The following PLA2G7 variants were observed in gnomAD, a reference collection of about 807,000 sequenced individuals.
PLA2G7 encodes phospholipase A2 group VII.
Under a neutral mutation model 49.6 loss-of-function variants are expected in PLA2G7, and 63 were observed. The observed-to-expected ratio is 1.27, with a 90% confidence interval of 1.04 to 1.57. The LOEUF (loss-of-function observed/expected upper bound fraction) is 1.57, where lower values mean the gene tolerates loss of function less well. Ranked by LOEUF, PLA2G7 falls within the 40% of genes most tolerant of loss-of-function variation. The pLI is 0.00. For missense variants in PLA2G7, 596 were observed against 521.2 expected (o/e 1.14, Z -1.40); for synonymous variants, 193 against 169.9 (o/e 1.14, Z -1.06).
chr6:46,716,189 A>G (rs1301026373), intron 4 of PLA2G7, among the ~76,000 whole-genome samples, 195 bp downstream of exon 4: 1 of 152,184 alleles, frequency 6.6e-6, no homozygotes, highest in African/African-American at 2.4e-5. Flanking sequence ...CTCCCATCCA[A>G]CTCAGAATGG....
intron 8 of PLA2G7, 42 bp from the exon 9 acceptor site, chr6:46,709,460 G>T: frequency 9.3e-7 from 1 of 1,079,158 alleles, no homozygotes; most frequent in Non-Finnish European, 1.4e-6. Flanking sequence ...CTATTTCGTG[G>T]TGTTAGAAGA....
rs201567357 is a variant in PLA2G7, at chr6:46,711,506, C to T, written c.653G>A (p.Arg218Gln). ...TLKQEEETHI[R>Q]NEQVRQRAKE... ...TTCACTGCAATGTACCTGCTCATTT[C>T]GTATATGTGTCTCCTCCTCTTGTTT... Residue 218 changes from arginine (R) to glutamine (Q), a missense_variant, in exon 7 of 12, where the codon CGA becomes CAA. By Grantham distance (43) the Arg-to-Gln change is conservative. Coordinates refer to ENST00000274793, the MANE Select transcript of PLA2G7 (RefSeq NM_005084.4). 1.8e-5 allele frequency: 29 copies of T among 1,613,650 alleles called. No individual in the cohort carries two copies. Among genetic ancestry groups the T allele is most frequent in the Non-Finnish European group, 2.3e-5 (27 of 1,179,620 alleles).
intron 6 of PLA2G7, 61 bp downstream of exon 6, chr6:46,712,208 G>GT: frequency 9.8e-7 from 1 of 1,023,830 alleles, no homozygotes; most frequent in South Asian, 1.3e-5. Flanking sequence ...TAGAAACATA[G>GT]TTATGAGCAT....
chr6:46,725,896 G>C (rs1406852624), intron 1 of PLA2G7, among the ~76,000 whole-genome samples: 1 of 152,180 alleles, frequency 6.6e-6, no homozygotes, highest in African/African-American at 2.4e-5. Context: ...GTAAAAGGCA[G>C]ATTATTTATT....
Position 46,704,470 on chromosome 6 carries a change from TCTCTCTCTCACA to T in PLA2G7, c.*78_*89del, listed in dbSNP as rs201623547. ...CTCTCTCTCTCTCTCTCTCTCTCTCTCTCTCTCTCACACACACACACACACACACACACACAC... is the reference window on the plus strand; with the variant it reads ...CTCTCTCTCTCTCTCTCTCTCTCTCTCACACACACACACACACACACACAC... On this transcript the variant is annotated 3_prime_UTR_variant, in exon 12 of 12. Coordinates refer to ENST00000274793, the MANE Select transcript of PLA2G7 (RefSeq NM_005084.4). 42,897 of 269,004 alleles carry T rather than the reference TCTCTCTCTCACA, an allele frequency of 0.16. 1,508 individuals are homozygous for T. The highest frequency in any genetic ancestry group is 0.36 in the East Asian group (5,657 of 15,738). The allele number at this position is 269,004 out of a possible 1,614,324, so 16.7% of individuals were successfully genotyped here. A position where few individuals can be genotyped will look rare whatever the true frequency, so the allele number is the denominator to read the frequency against.
Position 46,717,105 on chromosome 6 carries a change from C to A in PLA2G7, c.110-9G>T. 6.2e-7 allele frequency: 1 copy of A among 1,611,512 alleles called. No individual in the cohort carries two copies. The highest frequency in any genetic ancestry group is 8.5e-7 in the Non-Finnish European group (1 of 1,177,608). On this transcript the variant is annotated splice_polypyrimidine_tract_variant and intron_variant, in intron 2 of 11. Transcript: ENST00000274793. ...TATTTTGTTGACCCATGCTGAAAAA[C>A]AGGTAAATATTATCTCATTTGTCAT...
Position 46,714,569 on chromosome 6 carries a change from A to T in PLA2G7, c.377-16T>A. On this transcript the variant is annotated splice_polypyrimidine_tract_variant and intron_variant, in intron 4 of 11. Transcript: ENST00000274793. ...GTCATTGAACCTAGACAACAATGGA[A>T]GGTTATAGTTAAGGTTTTCTCTGAG... 6.8e-7 allele frequency: 1 copy of T among 1,463,374 alleles called. No homozygotes were observed. Among genetic ancestry groups the T allele is most frequent in the Non-Finnish European group, 9.6e-7 (1 of 1,042,648 alleles). 90.6% of individuals were successfully genotyped at this position (1,463,374 alleles called of 1,614,324 possible). A position where few individuals can be genotyped will look rare whatever the true frequency, so the allele number is the denominator to read the frequency against.
chr6:46,714,953 G>A (rs1234603724), intron 4 of PLA2G7, among the ~76,000 whole-genome samples: 3 of 151,678 alleles, frequency 2.0e-5, no homozygotes, highest in South Asian at 2.1e-4. Flanking sequence ...CAGGCTGGTC[G>A]TGAACTCCCG....
chr6:46,706,406 G>A (rs1764829535), intron 10 of PLA2G7, among the ~76,000 whole-genome samples: 2 of 152,206 alleles, frequency 1.3e-5, no homozygotes, highest in Non-Finnish European at 2.9e-5. Flanking sequence ...TGATCTGACT[G>A]TAGAGAACTG....
At chr6:46,707,280 T>A (rs1764859564) in intron 10 of PLA2G7, among the ~76,000 whole-genome samples, 1 of 152,140 alleles carries the variant, frequency 6.6e-6, no homozygotes, top group Non-Finnish European at 1.5e-5. Flanking sequence ...TACTTCCCCC[T>A]AGCTCTACCC....
intron 10 of PLA2G7, 87 bp downstream of exon 10, chr6:46,707,904 T>A (rs1303582034): frequency 3.7e-6 from 3 of 805,564 alleles, no homozygotes; most frequent in Non-Finnish European, 6.2e-6. Flanking sequence ...ATTCAGCAAT[T>A]CTTTAATAGT....
intron 1 of PLA2G7, among the ~76,000 whole-genome samples, chr6:46,734,963 G>A (rs1582595661): frequency 6.6e-6 from 1 of 152,208 alleles, no homozygotes; most frequent in Non-Finnish European, 1.5e-5. Flanking sequence ...AGGTTTGGAA[G>A]AACTGGTGTC....
chr6:46,705,075 G>C (rs187876024), intron 11 of PLA2G7, 78 bp downstream of exon 11: 9 of 1,027,750 alleles, frequency 8.8e-6, no homozygotes, highest in Non-Finnish European at 1.4e-5. Context: ...AGTTTAAATA[G>C]TACTAAAGCT....
chr6:46,706,026 G>A (rs1162896618), intron 10 of PLA2G7, among the ~76,000 whole-genome samples: 1 of 152,122 alleles, frequency 6.6e-6, no homozygotes, highest in Non-Finnish European at 1.5e-5. Context: ...CATTCCTTAG[G>A]ATTCTACTGG....
chr6:46,704,770 A>C, intron 11 of PLA2G7, 74 bp from the exon 12 acceptor site: 2 of 911,582 alleles, frequency 2.2e-6, no homozygotes, highest in South Asian at 2.7e-5. Flanking sequence ...CCTAGGTGGC[A>C]ATAAAGATTT....
intron 5 of PLA2G7, among the ~76,000 whole-genome samples, chr6:46,712,611 C>T (rs745673423): frequency 1.3e-5 from 2 of 152,174 alleles, no homozygotes. Context: ...ATGCACAGGG[C>T]AACCCTTCAC....
chr6:46,709,226 G>T, intron 9 of PLA2G7, 101 bp downstream of exon 9: 1 of 743,184 alleles, frequency 1.3e-6, no homozygotes, highest in Non-Finnish European at 2.4e-6. Flanking sequence ...AACTCCAAGA[G>T]ATCCCTTCTT....
chr6:46,725,477 A>G (rs6922527), intron 1 of PLA2G7, among the ~76,000 whole-genome samples: 2 of 151,736 alleles, frequency 1.3e-5, no homozygotes, highest in Non-Finnish European at 2.9e-5. Flanking sequence ...TGATCTGCCC[A>G]CCTTGGCCTC....
Position 46,722,910 on chromosome 6 carries a change from GT to G in PLA2G7, c.-20del. 7.0e-7 allele frequency: 1 copy of G among 1,435,654 alleles called. No homozygotes were observed. The highest frequency in any genetic ancestry group is 9.8e-7 in the Non-Finnish European group (1 of 1,018,144). The allele number at this position is 1,435,654 out of a possible 1,614,324, so 88.9% of individuals were successfully genotyped here. A position where few individuals can be genotyped will look rare whatever the true frequency, so the allele number is the denominator to read the frequency against. ...GCACCATCTTGGGAGCTGAGCAGCA[GT>G]TTCAGCTTAGTCTCCTTCGAAGCAG... is the stretch of plus-strand genomic sequence containing the variant. On this transcript the variant is annotated 5_prime_UTR_variant, in exon 2 of 12. Coordinates refer to ENST00000274793, the MANE Select transcript of PLA2G7 (RefSeq NM_005084.4).
Sources: gnomAD v4.1 joint callset for allele counts (sites outside exome capture counted in the v4.1 genomes callset) on GRCh38, gnomAD v4.1.1 for gene constraint, MANE v1.5 for transcripts, NCBI Gene and HGNC (gene_info 2026-07-23, HGNC 2026-07-21) for gene names.